LY96: variants seen among roughly 807,000 people sequenced by gnomAD.
LY96 encodes the protein lymphocyte antigen 96.
A neutral mutation model predicts 18.9 loss-of-function variants in LY96; 18 were observed. The observed-to-expected ratio is 0.95, with a 90% CI of 0.66 to 1.41. The LOEUF (loss-of-function observed/expected upper bound fraction) is 1.41, where lower values mean the gene tolerates loss of function less well. Ranked by LOEUF, LY96 falls within the 40% of genes most tolerant of loss-of-function variation. The probability of loss-of-function intolerance (pLI) is 0.00; values close to 1 mark genes in which losing one functional copy is unlikely to be tolerated. For missense variants in LY96, 175 were observed against 182.4 expected (o/e 0.96, Z 0.23); for synonymous variants, 66 against 62.6 (o/e 1.06, Z -0.26).
At chr8:74,068,083 A>ATATATATAT in the LY96 span, among the ~76,000 whole-genome samples, 31 of 95,828 alleles carry the variant, frequency 3.2e-4, no homozygotes, top group South Asian at 6.2e-3. Flanking sequence ...AAAAAAAAAA[A>ATATATATAT]AAAAAAATAT....
the LY96 span, among the ~76,000 whole-genome samples, chr8:74,057,827 C>G: frequency 6.6e-6 from 1 of 152,182 alleles, no homozygotes; most frequent in Non-Finnish European, 1.5e-5. Context: ...ACGTTTTATT[C>G]TCTGTTAAAG....
chr8:74,035,508 A>G, the LY96 span, among the ~76,000 whole-genome samples: 2 of 152,282 alleles, frequency 1.3e-5, no homozygotes, highest in East Asian at 1.9e-4. Flanking sequence ...CCCTCCAACC[A>G]TCTGAATGAA....
chr8:74,022,913 A>G (rs539263536), intron 3 of LY96, among the ~76,000 whole-genome samples: 2 of 151,952 alleles, frequency 1.3e-5, no homozygotes, highest in Non-Finnish European at 2.9e-5. Flanking sequence ...TCATATCCTC[A>G]AGTCTCATCC....
chr8:74,025,652 C>T lies in LY96; in HGVS notation c.332-1137C>T, dbSNP rs981090105. On this transcript the variant is annotated intron_variant, in intron 3 of 4. Transcript: ENST00000284818. ...CCTGGGCGACAGAGCGAAACTCCGT[C>T]TCAAAAAAAAAAAAAAAAAAAAAGA... Among the ~76,000 whole-genome samples the T allele has an allele frequency of 5.2e-5, 5 of 96,986 alleles. No individual in the cohort carries two copies. In the East Asian group the frequency reaches 7.9e-4, roughly 15 times the overall value. The allele number at this position is 96,986 out of a possible 152,430, so 63.6% of individuals were successfully genotyped here. A position where few individuals can be genotyped will look rare whatever the true frequency, so the allele number is the denominator to read the frequency against.
the LY96 span, among the ~76,000 whole-genome samples, chr8:74,073,584 C>T: frequency 6.6e-6 from 1 of 152,042 alleles, no homozygotes; most frequent in South Asian, 2.1e-4. Flanking sequence ...TTTCCCACAA[C>T]CTGTGGCTGC....
chr8:74,015,310 T>C (rs1816619317), intron 3 of LY96, among the ~76,000 whole-genome samples: 1 of 152,212 alleles, frequency 6.6e-6, no homozygotes, highest in Non-Finnish European at 1.5e-5. Context: ...AAATTTATCA[T>C]GTAACAGCTC....
At chr8:74,079,207 C>T in the LY96 span, among the ~76,000 whole-genome samples, 2 of 152,176 alleles carry the variant, frequency 1.3e-5, no homozygotes, top group African/African-American at 4.8e-5. Context: ...CCTTGGGCAA[C>T]AGCACTCCTG....
chr8:74,004,793 T>C lies in LY96; in HGVS notation c.113-3T>C, dbSNP rs1283896059. On this transcript the variant is annotated splice_polypyrimidine_tract_variant and splice_region_variant and intron_variant, in intron 1 of 4. Coordinates refer to ENST00000284818, the MANE Select transcript of LY96 (RefSeq NM_015364.5). ...TTATTGACATTATCTTTATTGCTTT[T>C]AGATAAAATGCAATACCCAATTTCA... The C allele has an allele frequency of 1.3e-6, 2 of 1,562,956 alleles. No individual in the cohort carries two copies. Among genetic ancestry groups the C allele is most frequent in the South Asian group, 1.1e-5 (1 of 90,052 alleles).
At chr8:74,095,844 G>A in the LY96 span, among the ~76,000 whole-genome samples, 2 of 152,084 alleles carry the variant, frequency 1.3e-5, no homozygotes, top group Admixed American at 6.5e-5. Context: ...ACTCCCACAC[G>A]AGCACCTCCA....
At chr8:74,029,916 C>T (rs1368926378), downstream of LY96, among the ~76,000 whole-genome samples, 1 of 152,180 alleles carries the variant, frequency 6.6e-6, no homozygotes, top group Non-Finnish European at 1.5e-5. Flanking sequence ...TCCCAAAGTG[C>T]TGGGATTACA....
At chr8:74,039,437 T>G in the LY96 span, among the ~76,000 whole-genome samples, 2 of 152,090 alleles carry the variant, frequency 1.3e-5, no homozygotes, top group African/African-American at 4.8e-5. Flanking sequence ...CATGAGAGAT[T>G]GTAATAAATA....
chr8:74,090,367 G>A, the LY96 span, among the ~76,000 whole-genome samples: 1 of 152,134 alleles, frequency 6.6e-6, no homozygotes, highest in East Asian at 1.9e-4. Flanking sequence ...ATGAACCAGG[G>A]AGCAAATACA....
At position 74,002,081 on chromosome 8, in the gene LY96, TTCTTTCTTTCTTTC is replaced by T. The variant is rs1284617242; in HGVS notation, c.113-2711_113-2698del. On this transcript the variant is annotated intron_variant, in intron 1 of 4. Coordinates refer to ENST00000284818, the MANE Select transcript of LY96 (RefSeq NM_015364.5). ...TTCCTTCCTTCCTTCCTTCCTTTCT[TTCTTTCTTTCTTTC>T]TCTCTCTCTCTCTCTCTCTCTCTCT... Among the ~76,000 whole-genome samples, 28 of 27,656 alleles carry T rather than the reference TTCTTTCTTTCTTTC, an allele frequency of 1.0e-3. 4 individuals are homozygous for T. Among genetic ancestry groups the T allele is most frequent in the African/African-American group, 5.0e-3 (25 of 4,958 alleles). The allele number at this position is 27,656 out of a possible 152,430, so 18.1% of individuals were successfully genotyped here. A position where few individuals can be genotyped will look rare whatever the true frequency, so the allele number is the denominator to read the frequency against.
chr8:74,095,907 G>A, the LY96 span, among the ~76,000 whole-genome samples: 1 of 152,154 alleles, frequency 6.6e-6, no homozygotes. Context: ...TCTATTCCAT[G>A]TCTCTGCATT....
chr8:74,010,222 T>C, intron 3 of LY96, 93 bp downstream of exon 3: 1 of 1,205,270 alleles, frequency 8.3e-7, no homozygotes, highest in African/African-American at 1.5e-5. Flanking sequence ...GGAAGTTCCT[T>C]TTCTGCTAAT....
the LY96 span, among the ~76,000 whole-genome samples, chr8:74,060,597 G>A: frequency 6.6e-6 from 1 of 152,224 alleles, no homozygotes; most frequent in Non-Finnish European, 1.5e-5. Flanking sequence ...TCGAAAGACT[G>A]ATGGAGTAAA....
At chr8:74,012,408 T>C (rs1563715421) in intron 3 of LY96, among the ~76,000 whole-genome samples, 1 of 152,206 alleles carries the variant, frequency 6.6e-6, no homozygotes, top group Non-Finnish European at 1.5e-5. Flanking sequence ...CTAGAGGCCA[T>C]TATCTTAACT....
the LY96 span, among the ~76,000 whole-genome samples, chr8:74,097,684 C>G: frequency 1.3e-5 from 2 of 151,726 alleles, no homozygotes; most frequent in African/African-American, 4.8e-5. Context: ...CCAGCCTGGG[C>G]CACAGAGCAA....
the LY96 span, among the ~76,000 whole-genome samples, chr8:74,054,782 G>A: frequency 1.3e-5 from 2 of 150,990 alleles, no homozygotes; most frequent in Non-Finnish European, 1.5e-5. Context: ...TCCTACCTCA[G>A]CCTCCTGAGT....
Sources: gnomAD v4.1 joint callset for allele counts (sites outside exome capture counted in the v4.1 genomes callset) on GRCh38, gnomAD v4.1.1 for gene constraint, MANE v1.5 for transcripts, NCBI Gene and HGNC (gene_info 2026-07-23, HGNC 2026-07-21) for gene names.